The following MSH5 variants were observed in gnomAD, a reference collection of about 807,000 sequenced individuals.
MSH5 encodes mutS protein homolog 5.
MSH5 carries 78 observed loss-of-function variants against 107.7 expected under a neutral mutation model. That is an observed-to-expected ratio of 0.72 (90% confidence interval 0.60 to 0.87). The LOEUF is 0.87. Among genes scored for constraint, MSH5 ranks in the 40% least tolerant of loss-of-function variants. The pLI is 0.00. For missense variants in MSH5, 889 were observed against 1,046.6 expected (o/e 0.85, Z 2.08); for synonymous variants, 326 against 399.5 (o/e 0.82, Z 2.19).
Position 31,759,087 on chromosome 6 carries a change from C to A in MSH5, c.1327-10C>A. ...AGGAGAGTAGAGTATCTCCTCTTTA[C>A]TCTCCCCAGATTGGCTTCCTTCTTT... On this transcript the variant is annotated splice_polypyrimidine_tract_variant and intron_variant, in intron 15 of 24. Transcript: ENST00000375750. This position sits in a 1 kb window ranked among gnomAD's most constrained non-coding sequence, Gnocchi z 4.7. 6.2e-7 allele frequency: 1 copy of A among 1,611,762 alleles called. No homozygotes were observed. Among genetic ancestry groups the A allele is most frequent in the Non-Finnish European group, 8.5e-7 (1 of 1,178,892 alleles).
intron 12 of MSH5, among the ~76,000 whole-genome samples, chr6:31,756,251 A>G (rs1451971799): frequency 6.6e-6 from 1 of 151,980 alleles, no homozygotes; most frequent in East Asian, 1.9e-4. Flanking sequence ...GCTCACTGCA[A>G]CCTCCGCCTC....
At position 31,761,192 on chromosome 6, in the gene MSH5, C is replaced by T. The variant is rs751759812; in HGVS notation, c.1967C>T (p.Ala656Val). Residue 656 changes from alanine (A) to valine (V), a missense_variant, in exon 21 of 25, where the codon GCG becomes GTG. Ala to Val is a moderately conservative substitution (Grantham distance 64). Around this residue, in one of 3 missense-constraint regions of MSH5, gnomAD observed 362 missense variants for 456.2 expected, o/e 0.79. Coordinates refer to ENST00000375750, the MANE Select transcript of MSH5 (RefSeq NM_172166.4). The surrounding 1 kb of genome is among the most constrained non-coding windows in gnomAD (Gnocchi z 5.3). Reference sequence around the variant, plus strand: ...TGTCCACCTTATACCCAGCAGGTGGCGAAAGCAGTGAACAATGCCACTGCA... The same window carrying T: ...TGTCCACCTTATACCCAGCAGGTGGTGAAAGCAGTGAACAATGCCACTGCA... ...STFMIDLNQV[A>V]KAVNNATAQS... is the part of the protein sequence containing the mutation. The T allele has an allele frequency of 7.4e-6, 12 of 1,613,508 alleles. No individual in the cohort carries two copies. In the Admixed American group the frequency reaches 1.5e-4, roughly 20 times the overall value.
At chr6:31,744,119 CTT>C in intron 6 of MSH5, 69 bp from the exon 7 acceptor site, 1 of 1,593,564 alleles carries the variant, frequency 6.3e-7, no homozygotes, top group South Asian at 1.1e-5. Context: ...AAAATAGTAA[CTT>C]TCCCTGGTGC....
rs1263003667 is a variant in MSH5, at chr6:31,758,399, T to A, written c.1143+106T>A. 1 of 1,566,784 alleles carries A rather than the reference T, an allele frequency of 6.4e-7. No individual in the cohort carries two copies. Among genetic ancestry groups the A allele is most frequent in the Non-Finnish European group, 8.7e-7 (1 of 1,145,688 alleles). ...ATATTGAGGTCAATTGGATAAAGAATGGGATGGTGGGAGGAGGCAGCAGAA... is the reference window on the plus strand; with the variant it reads ...ATATTGAGGTCAATTGGATAAAGAAAGGGATGGTGGGAGGAGGCAGCAGAA... On this transcript the variant is annotated intron_variant, in intron 13 of 24. Coordinates refer to ENST00000375750, the MANE Select transcript of MSH5 (RefSeq NM_172166.4). This position sits in a 1 kb window ranked among gnomAD's most constrained non-coding sequence, Gnocchi z 5.1.
intron 10 of MSH5, among the ~76,000 whole-genome samples, chr6:31,749,339 C>T (rs1398669282): frequency 6.6e-6 from 1 of 151,984 alleles, no homozygotes; most frequent in East Asian, 1.9e-4. Context: ...GTCAGGAGTT[C>T]AAGACCAGCC....
At position 31,762,492 on chromosome 6, in the gene MSH5, G is replaced by A; in HGVS notation, c.2466G>A (p.Met822Ile). The change falls in exon 25 of 25, where the codon ATG becomes ATA. Residue 822 changes from methionine to isoleucine, a missense_variant. Coordinates refer to ENST00000375750, the MANE Select transcript of MSH5 (RefSeq NM_172166.4). ...EDPNLDLNVF[M>I]SQEVLPAATS... ...CTAACCTGGACTTGAACGTTTTCAT[G>A]AGCCAGGAAGTGCTGCCTGCTGCCA... 1 of 1,614,090 alleles carries A rather than the reference G, an allele frequency of 6.2e-7. No homozygotes were observed. Among genetic ancestry groups the A allele is most frequent in the South Asian group, 1.1e-5 (1 of 91,068 alleles).
intron 8 of MSH5, 78 bp from the exon 9 acceptor site, chr6:31,745,159 A>C (rs1368249256): frequency 1.3e-5 from 11 of 832,588 alleles, no homozygotes; most frequent in Non-Finnish European, 2.1e-5. Context: ...CCCTGTCCCC[A>C]TTCCATTTAT....
chr6:31,754,466 T>C (rs980797335), intron 12 of MSH5, among the ~76,000 whole-genome samples: 1 of 152,154 alleles, frequency 6.6e-6, no homozygotes, highest in African/African-American at 2.4e-5. Flanking sequence ...GTGTCATCTA[T>C]ATCTTTTTCT....
intron 8 of MSH5, 62 bp downstream of exon 8, chr6:31,744,643 A>G: frequency 6.5e-7 from 1 of 1,549,036 alleles, no homozygotes; most frequent in South Asian, 1.1e-5. Context: ...TTAATGCCCC[A>G]ATAATCCTAA....
At chr6:31,753,763 C>T (rs1810189640) in intron 12 of MSH5, 134 bp downstream of exon 12, 2 of 838,444 alleles carry the variant, frequency 2.4e-6, no homozygotes, top group Non-Finnish European at 3.8e-6. Flanking sequence ...CAGCCTCGCT[C>T]TGTCGCCCAG....
At chr6:31,755,931 T>G (rs1219374604) in intron 12 of MSH5, among the ~76,000 whole-genome samples, 18 of 152,178 alleles carry the variant, frequency 1.2e-4, no homozygotes. Flanking sequence ...TTATAGTGTT[T>G]TCCATTAGCC....
At chr6:31,757,129 TTTG>T (rs1459957687) in intron 12 of MSH5, 1 of 151,934 alleles carries the variant, frequency 6.6e-6, no homozygotes, top group Non-Finnish European at 1.5e-5. Context: ...ATGAGATTTT[TTTG>T]TTTTTTGTTT....
rs1810904076 is a variant in MSH5, at chr6:31,760,620, A to T, written c.1813-70A>T. On this transcript the variant is annotated intron_variant, in intron 19 of 24. Transcript: ENST00000375750. This position sits in a 1 kb window ranked among gnomAD's most constrained non-coding sequence, Gnocchi z 5.6. ...TCCATTTCTCTTTGATGTGCCATTC[A>T]TGCCTTGAGCCTCACTTTCACCTCA... 6.3e-7 allele frequency: 1 copy of T among 1,589,284 alleles called. No individual in the cohort carries two copies. The highest frequency in any genetic ancestry group is 1.3e-5 in the African/African-American group (1 of 74,410).
Position 31,762,198 on chromosome 6 carries a change from C to G in MSH5, c.2393+13C>G, listed in dbSNP as rs751980335. 6.2e-7 allele frequency: 1 copy of G among 1,613,286 alleles called. No individual in the cohort carries two copies. The highest frequency in any genetic ancestry group is 8.5e-7 in the Non-Finnish European group (1 of 1,179,352). Reference sequence around the variant, plus strand: ...ACCAAATGGAAAAGTGCGTATATGGCCCCAGTGTCTTTACCCTCTCTGCAT... The same window carrying G: ...ACCAAATGGAAAAGTGCGTATATGGGCCCAGTGTCTTTACCCTCTCTGCAT... On this transcript the variant is annotated intron_variant, in intron 24 of 24. Transcript: ENST00000375750.
intron 8 of MSH5, 29 bp from the exon 9 acceptor site, chr6:31,745,207 AC>A (rs746845327): frequency 1.1e-4 from 155 of 1,436,382 alleles, no homozygotes; most frequent in Middle Eastern, 1.7e-4. Flanking sequence ...AGTCCAAGTT[AC>A]CCCAAACTCC....
Position 31,760,808 on chromosome 6 carries a change from G to T in MSH5, c.1931G>T (p.Gly644Val). ...CATAGCTGCGAATCCATCTCCCTTG[G>T]CCTCTCCACCTTCATGATCGACCTC... ...RIHSCESISLGLSTFMIDLNQ... is the reference protein window; with the variant it reads ...RIHSCESISLVLSTFMIDLNQ... The change falls in exon 20 of 25, where the codon GGC becomes GTC. Residue 644 changes from glycine (G) to valine (V), a missense_variant. Physicochemically the swap from Gly to Val is moderately radical, Grantham distance 109 (BLOSUM62 -3). Coordinates refer to ENST00000375750, the MANE Select transcript of MSH5 (RefSeq NM_172166.4). This position sits in a 1 kb window ranked among gnomAD's most constrained non-coding sequence, Gnocchi z 5.6. The T allele has an allele frequency of 6.2e-7, 1 of 1,612,908 alleles. No homozygotes were observed. Among genetic ancestry groups the T allele is most frequent in the Middle Eastern group, 1.7e-4 (1 of 6,006 alleles).
intron 3 of MSH5, among the ~76,000 whole-genome samples, chr6:31,741,764 TAAAAA>T (rs9279402): frequency 6.8e-6 from 1 of 146,052 alleles, no homozygotes; most frequent in Admixed American, 6.8e-5. Flanking sequence ...AGTAATTTGT[TAAAAA>T]AAAAAAAAAA....
At chr6:31,756,530 C>G (rs985935530) in intron 12 of MSH5, 8 of 152,200 alleles carry the variant, frequency 5.3e-5, no homozygotes, top group African/African-American at 1.9e-4. Context: ...ATTCTTTCTT[C>G]ATTTATTAGC....
chr6:31,753,696 T>G, intron 12 of MSH5, 67 bp downstream of exon 12: 1 of 1,449,834 alleles, frequency 6.9e-7, no homozygotes, highest in Non-Finnish European at 9.7e-7. Flanking sequence ...CCAGACTGTC[T>G]GTACCCTAGA....
Sources: allele counts gnomAD v4.1 joint callset (sites outside exome capture counted in the v4.1 genomes callset), GRCh38; gene constraint gnomAD v4.1.1; regional missense constraint gnomAD v4.1.1; non-coding constraint Gnocchi (gnomAD v3.1); transcripts MANE v1.5; gene names NCBI Gene and HGNC (gene_info 2026-07-23, HGNC 2026-07-21).